Variants in SEM1 observed in about 807,000 individuals in gnomAD.
SEM1 encodes the protein 26S proteasome complex subunit SEM1.
A neutral mutation model predicts 12.7 loss-of-function variants in SEM1; 3 were observed. The ratio of observed to expected loss-of-function variants is 0.24; its 90% confidence interval spans 0.11 to 0.61. The LOEUF is 0.61. Ranked by LOEUF, SEM1 falls within the 20% of genes least tolerant of loss-of-function variation. The pLI, the probability that SEM1 is intolerant of heterozygous loss-of-function variation, is 0.88. For synonymous variants in SEM1, 30 were observed against 27.8 expected (o/e 1.08, Z -0.25); for missense variants, 59 against 81.3 (o/e 0.73, Z 1.06).
At chr7:96,552,361 C>A (rs1316780688) in intron 2 of SEM1, among the ~76,000 whole-genome samples, 1 of 152,038 alleles carries the variant, frequency 6.6e-6, no homozygotes, top group African/African-American at 2.4e-5. Flanking sequence ...CCACAACAGT[C>A]CCCAGAGTGT....
intron 2 of SEM1, among the ~76,000 whole-genome samples, chr7:96,520,463 C>T (rs570886989): frequency 2.2e-4 from 34 of 152,258 alleles, no homozygotes; most frequent in South Asian, 6.2e-4. Flanking sequence ...AGCTTTTATT[C>T]TCACCAAATA....
At chr7:96,692,710 C>A (rs180827642) in intron 2 of SEM1, among the ~76,000 whole-genome samples, 44 of 152,178 alleles carry the variant, frequency 2.9e-4, no homozygotes, top group African/African-American at 8.9e-4. Context: ...AGGTACAATG[C>A]TTGGAACAGA....
At chr7:96,658,868 A>G (rs1563101335) in intron 2 of SEM1, among the ~76,000 whole-genome samples, 1 of 152,090 alleles carries the variant, frequency 6.6e-6, no homozygotes, top group Non-Finnish European at 1.5e-5. Flanking sequence ...GGAAACTAAA[A>G]CCCAACCCTG....
downstream of SEM1, among the ~76,000 whole-genome samples, chr7:96,620,458 C>G (rs75006580): frequency 0.039 from 5,912 of 152,172 alleles, 137 homozygotes; most frequent in Admixed American, 0.058. Context: ...TGTGGGGTAC[C>G]CTTTCTGGAG....
chr7:96,688,045 A>G (rs1362087728), downstream of SEM1: 7 of 152,172 alleles, frequency 4.6e-5, no homozygotes, highest in African/African-American at 1.7e-4. Flanking sequence ...AAATTACTCA[A>G]CACTACAGAT....
chr7:96,678,073 A>G (rs1225828072), intron 2 of SEM1, among the ~76,000 whole-genome samples: 3 of 152,140 alleles, frequency 2.0e-5, no homozygotes, highest in African/African-American at 7.2e-5. Context: ...TTCTTTTGCA[A>G]TGTTATTTGT....
At chr7:96,600,056 G>C (rs1182957697) in intron 2 of SEM1, among the ~76,000 whole-genome samples, 1 of 152,180 alleles carries the variant, frequency 6.6e-6, no homozygotes, top group Non-Finnish European at 1.5e-5. Context: ...GTGGGACAGA[G>C]AGTGCTTTAA....
chr7:96,520,895 C>G (rs1804246682), intron 2 of SEM1, among the ~76,000 whole-genome samples: 1 of 152,040 alleles, frequency 6.6e-6, no homozygotes, highest in African/African-American at 2.4e-5. Context: ...CAAAAGCAAG[C>G]AAGAAAAGGC....
intron 2 of SEM1, among the ~76,000 whole-genome samples, chr7:96,652,180 C>G (rs541315134): frequency 2.6e-5 from 4 of 152,144 alleles, no homozygotes; most frequent in Non-Finnish European, 4.4e-5. Context: ...AATGCACACT[C>G]AAGTCAAGTG....
At chr7:96,547,893 G>C (rs1177654827) in intron 2 of SEM1, among the ~76,000 whole-genome samples, 1 of 152,082 alleles carries the variant, frequency 6.6e-6, no homozygotes, top group Non-Finnish European at 1.5e-5. Flanking sequence ...CTTGTAAGAC[G>C]TGTACTGTAA....
intron 2 of SEM1, among the ~76,000 whole-genome samples, chr7:96,577,183 C>G (rs892903809): frequency 6.6e-6 from 1 of 151,966 alleles, no homozygotes; most frequent in Non-Finnish European, 1.5e-5. Context: ...AAATGGAGCC[C>G]TAACCATGAG....
chr7:96,690,269 C>T (rs1349685756), intron 2 of SEM1, among the ~76,000 whole-genome samples: 1 of 151,784 alleles, frequency 6.6e-6, no homozygotes, highest in African/African-American at 2.4e-5. Flanking sequence ...ACAAAAAAAC[C>T]CCAAAGTTCA....
chr7:96,564,381 A>G (rs544661788), intron 2 of SEM1, among the ~76,000 whole-genome samples: 2 of 151,940 alleles, frequency 1.3e-5, no homozygotes, highest in Non-Finnish European at 1.5e-5. Flanking sequence ...CAAGCTGAAA[A>G]CGTAAGATGG....
chr7:96,617,654 G>A (rs1038739846), downstream of SEM1, among the ~76,000 whole-genome samples: 1 of 152,144 alleles, frequency 6.6e-6, no homozygotes. Flanking sequence ...TTACCATTGA[G>A]TATGATGTTG....
chr7:96,681,487 A>C (rs1789610798), intron 2 of SEM1, among the ~76,000 whole-genome samples: 1 of 152,060 alleles, frequency 6.6e-6, no homozygotes, highest in African/African-American at 2.4e-5. Context: ...ACCCAACCTA[A>C]GATTTCTTAA....
intron 2 of SEM1, among the ~76,000 whole-genome samples, chr7:96,582,821 C>T (rs1348339737): frequency 1.3e-5 from 2 of 151,910 alleles, no homozygotes; most frequent in Admixed American, 6.6e-5. Flanking sequence ...TGGTGATATC[C>T]CCTTTATCAT....
chr7:96,582,792 T>G (rs1438843143), intron 2 of SEM1, among the ~76,000 whole-genome samples: 1 of 152,260 alleles, frequency 6.6e-6, no homozygotes, highest in East Asian at 1.9e-4. Context: ...TATGGTAGTT[T>G]ATATTTCTGT....
intron 1 of SEM1, chr7:96,706,228 G>C (rs1584877298): frequency 1.3e-5 from 2 of 152,212 alleles, no homozygotes; most frequent in South Asian, 4.1e-4. Context: ...TGTACCTTCA[G>C]AGACTCCTTC....
At chr7:96,579,922 T>A (rs1020768483) in intron 2 of SEM1, among the ~76,000 whole-genome samples, 4 of 146,402 alleles carry the variant, frequency 2.7e-5, no homozygotes, top group African/African-American at 5.0e-5. Context: ...TACTAAATTT[T>A]AAAAAATTTA....
Sources: gnomAD v4.1 joint callset for allele counts (sites outside exome capture counted in the v4.1 genomes callset) on GRCh38, gnomAD v4.1.1 for gene constraint, MANE v1.5 for transcripts, NCBI Gene and HGNC (gene_info 2026-07-23, HGNC 2026-07-21) for gene names.